RIMS1: variants seen among roughly 807,000 people sequenced by gnomAD.
RIMS1 encodes the protein regulating synaptic membrane exocytosis 1.
Under a neutral mutation model 214.1 loss-of-function variants are expected in RIMS1, and 83 were observed. The observed-to-expected ratio is 0.39, with a 90% CI of 0.32 to 0.47. RIMS1 has a LOEUF of 0.47. Ranked by LOEUF, RIMS1 falls within the 20% of genes least tolerant of loss-of-function variation. The probability of loss-of-function intolerance (pLI) is 0.99; values close to 1 mark genes in which losing one functional copy is unlikely to be tolerated. For missense variants in RIMS1, 2,050 were observed against 2,161.8 expected (o/e 0.95, Z 1.03); for synonymous variants, 793 against 786.8 (o/e 1.01, Z -0.13).
At chr6:72,303,682 T>A (rs933593575) in intron 26 of RIMS1, among the ~76,000 whole-genome samples, 1 of 151,424 alleles carries the variant, frequency 6.6e-6, no homozygotes, top group Non-Finnish European at 1.5e-5. Flanking sequence ...TAGATTAATA[T>A]TAAAAAAGCC....
At chr6:72,032,993 A>T (rs561938878) in intron 2 of RIMS1, among the ~76,000 whole-genome samples, 32 of 152,326 alleles carry the variant, frequency 2.1e-4, no homozygotes, top group Non-Finnish European at 4.3e-4. Flanking sequence ...TGCAGATGGG[A>T]TGACAAAAGA....
intron 29 of RIMS1, among the ~76,000 whole-genome samples, chr6:72,362,166 TC>T (rs2097850577): frequency 6.6e-6 from 1 of 152,160 alleles, no homozygotes; most frequent in African/African-American, 2.4e-5. Context: ...GATTTTTTTT[TC>T]ATACCAATCT....
At chr6:72,078,027 T>C (rs531454312) in intron 2 of RIMS1, among the ~76,000 whole-genome samples, 1 of 152,344 alleles carries the variant, frequency 6.6e-6, no homozygotes, top group East Asian at 1.9e-4. Flanking sequence ...TTGTTTACTA[T>C]GATGGTATTT....
chr6:72,359,813 G>T (rs910028753), intron 29 of RIMS1, among the ~76,000 whole-genome samples: 8 of 152,030 alleles, frequency 5.3e-5, no homozygotes, highest in African/African-American at 1.7e-4. Flanking sequence ...TTCAAAATAC[G>T]TTATTATGTT....
intron 1 of RIMS1, among the ~76,000 whole-genome samples, chr6:71,948,416 G>A (rs2151095924): frequency 6.6e-6 from 1 of 152,294 alleles, no homozygotes; most frequent in South Asian, 2.1e-4. Flanking sequence ...GCAGTGTTCA[G>A]TTTGCCACCT....
intron 2 of RIMS1, among the ~76,000 whole-genome samples, chr6:72,008,203 A>T (rs1167816117): frequency 6.6e-6 from 1 of 152,188 alleles, no homozygotes; most frequent in African/African-American, 2.4e-5. Context: ...TCAAGCCAGA[A>T]TTTCATATCC....
chr6:72,331,883 A>C (rs2096671616), intron 28 of RIMS1, among the ~76,000 whole-genome samples: 1 of 151,974 alleles, frequency 6.6e-6, no homozygotes, highest in Non-Finnish European at 1.5e-5. Context: ...CAAGTAATGC[A>C]GCTAAGTATT....
At chr6:72,295,721 TA>T in intron 26 of RIMS1, among the ~76,000 whole-genome samples, 1 of 151,956 alleles carries the variant, frequency 6.6e-6, no homozygotes, top group Admixed American at 6.6e-5. Flanking sequence ...TGTTTCATTT[TA>T]AATCTTTAAA....
chr6:72,182,578 G>C lies in RIMS1; in HGVS notation c.1107G>C (p.Pro369=). 6.5e-7 allele frequency: 1 copy of C among 1,549,436 alleles called. No homozygotes were observed. Among genetic ancestry groups the C allele is most frequent in the Non-Finnish European group, 8.7e-7 (1 of 1,147,176 alleles). The change falls in exon 6 of 34, where the codon CCG becomes CCC. Residue 369 remains proline (P), a synonymous_variant. Transcript: ENST00000521978. ...PNLARYPVKP[P]PEEQQMRMHA... ...TAGCTCGGTACCCGGTGAAACCGCC[G>C]CCTGAGGAGCAGCAGATGCGCATGC...
In RIMS1 at chr6:72,290,680, G is replaced by T. The variant is rs747061173; in HGVS notation, c.3556G>T (p.Val1186Phe). 2 of 1,612,830 alleles carry T rather than the reference G, an allele frequency of 1.2e-6. No individual in the cohort carries two copies. Among genetic ancestry groups the T allele is most frequent in the South Asian group, 2.2e-5 (2 of 90,918 alleles). The stretch of plus-strand genomic sequence containing the variant: ...TCTTTTTTGGCCCTAATGTTTTAGG[G>T]TTCTCCCAACATGTCTTTCTAGAAG... ...RKGTASDAER[V>F]LPTCLSRRGH... is the part of the protein sequence containing the mutation. The change falls in exon 25 of 34, where the codon GTT (valine) becomes TTT (phenylalanine). Residue 1186 changes from valine (V) to phenylalanine (F), a missense_variant and splice_region_variant. Physicochemically the swap from Val to Phe is conservative, Grantham distance 50. This residue lies in a region of RIMS1 where 889 missense variants were observed against 885.5 expected (regional missense o/e 1.00). Coordinates refer to ENST00000521978, the MANE Select transcript of RIMS1 (RefSeq NM_014989.7).
intron 26 of RIMS1, among the ~76,000 whole-genome samples, chr6:72,297,506 A>G (rs573545934): frequency 7.9e-5 from 12 of 152,150 alleles, no homozygotes; most frequent in African/African-American, 2.9e-4. Context: ...ATCCATAAGT[A>G]TAACCTAAAG....
At position 72,145,868 on chromosome 6, in the gene RIMS1, T is replaced by C. The variant is rs189379676; in HGVS notation, c.472-33707T>C. ...AGAAAATGGATTCTTATTGCACTTA[T>C]GCAAATAGCTATATTGTCATAAGTT... On this transcript the variant is annotated intron_variant, in intron 4 of 33. Transcript: ENST00000521978. Among the ~76,000 whole-genome samples, 312 of 152,342 alleles carry C rather than the reference T, an allele frequency of 2.0e-3. 8 individuals carry two copies. The highest frequency in any genetic ancestry group is 0.02 in the Admixed American group (300 of 15,296).
chr6:72,264,884 T>C (rs2079716219), intron 19 of RIMS1, 91 bp from the exon 20 acceptor site: 3 of 750,884 alleles, frequency 4.0e-6, no homozygotes, highest in Non-Finnish European at 6.6e-6. Flanking sequence ...TCTATATAGC[T>C]TTATAGGCCT....
intron 29 of RIMS1, among the ~76,000 whole-genome samples, chr6:72,355,587 T>C (rs933212382): frequency 6.6e-6 from 1 of 152,202 alleles, no homozygotes; most frequent in African/African-American, 2.4e-5. Context: ...AACAAGCAGC[T>C]GATTTTTTAC....
intron 1 of RIMS1, among the ~76,000 whole-genome samples, chr6:71,894,621 CCT>C (rs1468206077): frequency 1.3e-5 from 2 of 152,134 alleles, no homozygotes; most frequent in Non-Finnish European, 2.9e-5. Context: ...CAAAGAGCAG[CCT>C]GCAGTTTACC....
chr6:72,102,180 T>C (rs2033753809), intron 4 of RIMS1, among the ~76,000 whole-genome samples: 1 of 151,970 alleles, frequency 6.6e-6, no homozygotes, highest in African/African-American at 2.4e-5. Context: ...CTGAATTGAA[T>C]CCTGCAAACT....
intron 1 of RIMS1, among the ~76,000 whole-genome samples, chr6:71,910,637 T>A (rs1776601832): frequency 6.6e-6 from 1 of 152,176 alleles, no homozygotes; most frequent in Non-Finnish European, 1.5e-5. Context: ...TATATGTTTT[T>A]TGGTGATGTG....
intron 2 of RIMS1, among the ~76,000 whole-genome samples, chr6:72,078,806 A>G (rs902088375): frequency 1.3e-5 from 2 of 152,190 alleles, no homozygotes; most frequent in African/African-American, 2.4e-5. Flanking sequence ...CTCATATTAA[A>G]TGGAAGACCT....
At chr6:72,294,110 T>C (rs182865019) in intron 26 of RIMS1, among the ~76,000 whole-genome samples, 41 of 151,780 alleles carry the variant, frequency 2.7e-4, no homozygotes, top group African/African-American at 9.1e-4. Context: ...TTTAGGACTT[T>C]TGGTAAATGA....
Sources: allele counts gnomAD v4.1 joint callset (sites outside exome capture counted in the v4.1 genomes callset), GRCh38; gene constraint gnomAD v4.1.1; regional missense constraint gnomAD v4.1.1; transcripts MANE v1.5; gene names NCBI Gene and HGNC (gene_info 2026-07-23, HGNC 2026-07-21).